Variants in NOL10 observed in about 807,000 individuals in gnomAD.
The protein encoded by NOL10 is nucleolar protein 10.
NOL10 carries 58 observed loss-of-function variants against 103.5 expected under a neutral mutation model. The observed-to-expected ratio is 0.56, with a 90% CI of 0.45 to 0.70. NOL10 has a LOEUF of 0.70. Among genes scored for constraint, NOL10 ranks in the 30% least tolerant of loss-of-function variants. NOL10 has a pLI of 0.00. For missense variants in NOL10, 763 were observed against 807.3 expected, an observed-to-expected ratio of 0.95 and a Z score of 0.67; for synonymous variants, 287 against 282.5, an observed-to-expected ratio of 1.02 and a Z score of -0.16.
At chr2:10,591,574 A>C (rs1420982657) in intron 17 of NOL10, among the ~76,000 whole-genome samples, 2 of 152,110 alleles carry the variant, frequency 1.3e-5, no homozygotes, top group Non-Finnish European at 2.9e-5. Flanking sequence ...TGAAGATATA[A>C]GGGGAAACCA....
At chr2:10,642,968 GTAA>G (rs1205034595) in intron 13 of NOL10, among the ~76,000 whole-genome samples, 1 of 152,186 alleles carries the variant, frequency 6.6e-6, no homozygotes, top group Non-Finnish European at 1.5e-5. Flanking sequence ...CCTGGATGCT[GTAA>G]TACTGCCAGC....
rs113342576 is a variant in NOL10, at chr2:10,593,129, GT to G, written c.1423-3379del. On this transcript the variant is annotated intron_variant, in intron 17 of 20. Coordinates refer to ENST00000381685, the MANE Select transcript of NOL10 (RefSeq NM_024894.4). ...AATGATTGCCATTTGAAACAAATTA[GT>G]TTTTTTTTTTTTCTTTTTTTTCTTT... Among the ~76,000 whole-genome samples, 804 of 148,734 alleles carry G rather than the reference GT, an allele frequency of 5.4e-3. 9 individuals carry two copies. Among genetic ancestry groups the G allele is most frequent in the African/African-American group, 0.016 (663 of 40,590 alleles).
chr2:10,634,102 A>G (rs1678026545), intron 13 of NOL10, among the ~76,000 whole-genome samples: 1 of 152,186 alleles, frequency 6.6e-6, no homozygotes, highest in South Asian at 2.1e-4. Flanking sequence ...CACTGGTATT[A>G]CAGGTGTGAC....
chr2:10,636,420 CAAA>C (rs70953327), intron 13 of NOL10, among the ~76,000 whole-genome samples: 16,478 of 54,668 alleles, frequency 0.3, 2,017 homozygotes, highest in Middle Eastern at 0.47. Context: ...TACAAAAAAC[CAAA>C]AAAAAAAAAA....
At chr2:10,595,755 C>CAT (rs1675655908) in intron 17 of NOL10, among the ~76,000 whole-genome samples, 1 of 151,942 alleles carries the variant, frequency 6.6e-6, no homozygotes, top group Non-Finnish European at 1.5e-5. Context: ...CAGGTACGCA[C>CAT]CACCACACCC....
chr2:10,654,606 G>A, intron 11 of NOL10, 59 bp from the exon 12 acceptor site: 1 of 1,055,054 alleles, frequency 9.5e-7, no homozygotes, highest in Non-Finnish European at 1.4e-6. Context: ...CTTTGGCAAT[G>A]TCAAACTGAA....
chr2:10,595,835 C>T (rs2148175186), intron 17 of NOL10, among the ~76,000 whole-genome samples: 1 of 151,684 alleles, frequency 6.6e-6, no homozygotes, highest in Non-Finnish European at 1.5e-5. Context: ...AAACTCCTGG[C>T]CTCAAGTGAT....
At chr2:10,633,317 A>C (rs1327703297) in intron 13 of NOL10, among the ~76,000 whole-genome samples, 1 of 152,088 alleles carries the variant, frequency 6.6e-6, no homozygotes, top group African/African-American at 2.4e-5. Flanking sequence ...TCCACTCCTG[A>C]GTAGTTGGGA....
At chr2:10,670,381 T>C (rs1204276850) in intron 6 of NOL10, among the ~76,000 whole-genome samples, 3 of 152,170 alleles carry the variant, frequency 2.0e-5, no homozygotes, top group African/African-American at 7.2e-5. Flanking sequence ...TCGTTAAATA[T>C]TGTAAATAAA....
chr2:10,687,211 A>G (rs759380330), intron 1 of NOL10, among the ~76,000 whole-genome samples: 20 of 152,266 alleles, frequency 1.3e-4, no homozygotes, highest in Admixed American at 6.5e-5. Flanking sequence ...GGGGTTTCCA[A>G]ATCCACTCAG....
At chr2:10,591,663 G>A (rs558572000) in intron 17 of NOL10, among the ~76,000 whole-genome samples, 2 of 152,154 alleles carry the variant, frequency 1.3e-5, no homozygotes, top group South Asian at 4.1e-4. Context: ...GGGAAGGAGG[G>A]AGGAAGGAGA....
At chr2:10,615,073 T>G (rs542405460) in intron 13 of NOL10, among the ~76,000 whole-genome samples, 2 of 152,240 alleles carry the variant, frequency 1.3e-5, no homozygotes, top group Non-Finnish European at 2.9e-5. Context: ...GGAGTGGCCA[T>G]GACCTTAAGC....
Position 10,665,476 on chromosome 2 carries a change from T to C in NOL10, c.591+1742A>G, listed in dbSNP as rs764874084. ...ATCTGAGATGTAATATGAAAATCAA[T>C]GTAAAATGAATTTGTTAAGCCTGAT... On this transcript the variant is annotated intron_variant, in intron 8 of 20. Transcript: ENST00000381685. Among the ~76,000 whole-genome samples the C allele has an allele frequency of 5.9e-5, 9 of 152,276 alleles. No individual in the cohort carries two copies. The East Asian group carries it at 9.7e-4, about 16-fold the overall frequency.
chr2:10,686,815 G>A (rs905743227), intron 1 of NOL10, among the ~76,000 whole-genome samples: 11 of 146,242 alleles, frequency 7.5e-5, no homozygotes, highest in African/African-American at 2.7e-4. Context: ...CACTGGCTGA[G>A]GGAGGGAAGA....
At chr2:10,679,885 T>C (rs1373021950) in intron 3 of NOL10, among the ~76,000 whole-genome samples, 1 of 152,066 alleles carries the variant, frequency 6.6e-6, no homozygotes, top group Non-Finnish European at 1.5e-5. Context: ...CCTCCCAAAG[T>C]GCTGGGACTA....
At position 10,689,845 on chromosome 2, in the gene NOL10, A is replaced by T; in HGVS notation, c.17T>A (p.Leu6His). MQVSS[L>H]NEVKIYSLSC... is the part of the protein sequence containing the mutation. ...GAGGCTGTAAATCTTCACCTCATTG[A>T]GGCTGGAGACCTGCATGGCGCCGCA... The change falls in exon 1 of 21, where the codon CTC (leucine) becomes CAC (histidine). Residue 6 changes from leucine to histidine, a missense_variant. By Grantham distance (99) the Leu-to-His change is moderately conservative. Transcript: ENST00000381685. The T allele has an allele frequency of 6.2e-7, 1 of 1,607,588 alleles. No homozygotes were observed. The highest frequency in any genetic ancestry group is 8.5e-7 in the Non-Finnish European group (1 of 1,177,194).
intron 3 of NOL10, 78 bp downstream of exon 3, chr2:10,681,893 T>TAA: frequency 2.1e-5 from 10 of 466,218 alleles, no homozygotes; most frequent in Non-Finnish European, 2.4e-5. Flanking sequence ...ATATTAGGGT[T>TAA]AAAAAAAAAA....
intron 19 of NOL10, among the ~76,000 whole-genome samples, chr2:10,586,696 T>C (rs1048708711): frequency 4.6e-5 from 7 of 152,276 alleles, no homozygotes; most frequent in African/African-American, 1.4e-4. Context: ...CCACTCAACA[T>C]GAAGACAACA....
chr2:10,621,457 G>A (rs1677143156), intron 13 of NOL10, among the ~76,000 whole-genome samples: 1 of 152,122 alleles, frequency 6.6e-6, no homozygotes, highest in African/African-American at 2.4e-5. Flanking sequence ...ATCTGGGTGT[G>A]GTGGCACATT....
Sources: gnomAD v4.1 joint callset for allele counts (sites outside exome capture counted in the v4.1 genomes callset) on GRCh38, gnomAD v4.1.1 for gene constraint, MANE v1.5 for transcripts, NCBI Gene and HGNC (gene_info 2026-07-23, HGNC 2026-07-21) for gene names.